Variants in AHCYL2 observed in about 807,000 individuals in gnomAD.
AHCYL2 encodes S-adenosylhomocysteine hydrolase-like protein 2.
In AHCYL2, 28 loss-of-function variants were observed where a neutral mutation model predicts 81.4. The observed-to-expected ratio is 0.34, with a 90% CI of 0.25 to 0.47. AHCYL2 has a LOEUF of 0.47. Ranked by LOEUF, AHCYL2 falls within the 20% of genes least tolerant of loss-of-function variation. The pLI is 1.00. For synonymous variants in AHCYL2, 272 were observed against 290.2 expected (o/e 0.94, Z 0.64); for missense variants, 551 against 785.1 (o/e 0.70, Z 3.56).
intron 2 of AHCYL2, among the ~76,000 whole-genome samples, chr7:129,385,889 A>G (rs1019093418): frequency 1.3e-5 from 2 of 152,150 alleles, no homozygotes; most frequent in African/African-American, 2.4e-5. Flanking sequence ...GTTTCTCTAA[A>G]TTTTCCTAGG....
chr7:129,353,556 CTATT>C (rs1199896359), intron 1 of AHCYL2, among the ~76,000 whole-genome samples: 1 of 151,018 alleles, frequency 6.6e-6, no homozygotes, highest in Non-Finnish European at 1.5e-5. Context: ...TTTCATCTAT[CTATT>C]TACTTAATTT....
At chr7:129,384,605 T>C (rs916089175) in intron 2 of AHCYL2, among the ~76,000 whole-genome samples, 2 of 152,188 alleles carry the variant, frequency 1.3e-5, no homozygotes, top group African/African-American at 4.8e-5. Flanking sequence ...AGTGCTTGTT[T>C]TGCTGAAGAT....
intron 12 of AHCYL2, among the ~76,000 whole-genome samples, chr7:129,421,864 TTATC>T (rs1797133222): frequency 6.6e-6 from 1 of 152,250 alleles, no homozygotes; most frequent in Non-Finnish European, 1.5e-5. Flanking sequence ...ATCCACAGTC[TTATC>T]TATATTCATG....
chr7:129,298,847 A>C (rs1253339928), intron 1 of AHCYL2, among the ~76,000 whole-genome samples: 1 of 152,216 alleles, frequency 6.6e-6, no homozygotes, highest in Non-Finnish European at 1.5e-5. Context: ...TAATTATCAC[A>C]ATCATTACTG....
chr7:129,337,604 G>C (rs764301255), intron 1 of AHCYL2, among the ~76,000 whole-genome samples: 1 of 151,904 alleles, frequency 6.6e-6, no homozygotes, highest in Non-Finnish European at 1.5e-5. Context: ...TCATCACGTT[G>C]GCCAGGCTGG....
At chr7:129,225,777 A>G (rs1020066228) in intron 1 of AHCYL2, among the ~76,000 whole-genome samples, 4 of 152,216 alleles carry the variant, frequency 2.6e-5, no homozygotes, top group African/African-American at 9.6e-5. Context: ...CTATCGGGGA[A>G]GAGACCTCGA....
intron 1 of AHCYL2, among the ~76,000 whole-genome samples, chr7:129,349,362 G>A (rs923349327): frequency 3.3e-5 from 5 of 151,396 alleles, no homozygotes; most frequent in African/African-American, 1.2e-4. Context: ...GGCCGGGCAT[G>A]GTGGCTTATG....
At chr7:129,322,031 C>T (rs1340172968) in intron 1 of AHCYL2, among the ~76,000 whole-genome samples, 2 of 151,246 alleles carry the variant, frequency 1.3e-5, no homozygotes, top group African/African-American at 2.4e-5. Context: ...CTGCCTTGGC[C>T]CCCCAAAGTG....
chr7:129,261,629 C>T (rs1248127961), intron 1 of AHCYL2, among the ~76,000 whole-genome samples: 2 of 152,186 alleles, frequency 1.3e-5, no homozygotes, highest in Non-Finnish European at 2.9e-5. Context: ...CTTCCCTACC[C>T]CACCGTAGGC....
At chr7:129,304,205 T>C (rs1270155968) in intron 1 of AHCYL2, among the ~76,000 whole-genome samples, 3 of 152,246 alleles carry the variant, frequency 2.0e-5, no homozygotes, top group African/African-American at 7.2e-5. Context: ...TCCAAAATTC[T>C]TGTTATTGAT....
intron 1 of AHCYL2, among the ~76,000 whole-genome samples, chr7:129,318,842 T>C (rs1423046634): frequency 6.6e-6 from 1 of 152,026 alleles, no homozygotes; most frequent in Non-Finnish European, 1.5e-5. Flanking sequence ...GTTGGTTACA[T>C]GGATAAGTTC....
At chr7:129,377,869 A>G (rs1203972578) in intron 1 of AHCYL2, among the ~76,000 whole-genome samples, 1 of 152,362 alleles carries the variant, frequency 6.6e-6, no homozygotes, top group African/African-American at 2.4e-5. Context: ...ATCATTATCA[A>G]ATAATCATCC....
intron 1 of AHCYL2, among the ~76,000 whole-genome samples, chr7:129,230,019 T>C (rs977178070): frequency 5.3e-5 from 8 of 152,034 alleles, no homozygotes; most frequent in Non-Finnish European, 1.0e-4. Context: ...AAGGGAAGAA[T>C]ATTCCTACTG....
chr7:129,335,027 A>G (rs928874422), intron 1 of AHCYL2, among the ~76,000 whole-genome samples: 1 of 152,174 alleles, frequency 6.6e-6, no homozygotes. Flanking sequence ...TTTTTGACCT[A>G]TGAAATTAGT....
chr7:129,269,754 G>T (rs2150726915), intron 1 of AHCYL2, among the ~76,000 whole-genome samples: 1 of 152,180 alleles, frequency 6.6e-6, no homozygotes. Flanking sequence ...GTAATTTTTA[G>T]AGTTCACCTT....
chr7:129,357,210 G>C (rs1793763328), intron 1 of AHCYL2, among the ~76,000 whole-genome samples: 1 of 152,132 alleles, frequency 6.6e-6, no homozygotes, highest in Non-Finnish European at 1.5e-5. Context: ...ACTGAAAAGG[G>C]GTATTAGTGG....
intron 6 of AHCYL2, among the ~76,000 whole-genome samples, chr7:129,401,516 A>G (rs1001776024): frequency 1.3e-5 from 2 of 152,198 alleles, no homozygotes; most frequent in African/African-American, 4.8e-5. Flanking sequence ...CACTTGGTGC[A>G]TGGCAGAGAA....
At chr7:129,285,176 A>G (rs1482139794) in intron 1 of AHCYL2, among the ~76,000 whole-genome samples, 1 of 152,142 alleles carries the variant, frequency 6.6e-6, no homozygotes, top group Non-Finnish European at 1.5e-5. Flanking sequence ...GTATTTATAT[A>G]TGTAGCCTCC....
At chr7:129,230,899 GT>G (rs1433254257) in intron 1 of AHCYL2, among the ~76,000 whole-genome samples, 1 of 152,100 alleles carries the variant, frequency 6.6e-6, no homozygotes. Context: ...TTTTTGGGTA[GT>G]TTTTTTGTTA....
Sources: allele counts gnomAD v4.1 joint callset (sites outside exome capture counted in the v4.1 genomes callset), GRCh38; gene constraint gnomAD v4.1.1; transcripts MANE v1.5; gene names NCBI Gene and HGNC (gene_info 2026-07-23, HGNC 2026-07-21).